The following C12orf42 variants were observed in gnomAD, a reference collection of about 807,000 sequenced individuals.
C12orf42 encodes uncharacterized protein C12orf42.
Under a neutral mutation model 21.6 loss-of-function variants are expected in C12orf42, and 25 were observed. That is an observed-to-expected ratio of 1.16 (90% CI 0.84 to 1.62). The LOEUF (loss-of-function observed/expected upper bound fraction) is 1.62, where lower values mean the gene tolerates loss of function less well. C12orf42 is among the 40% of genes most tolerant of loss of function. C12orf42 has a pLI of 0.00. For synonymous variants in C12orf42, 174 were observed against 175.0 expected (o/e 0.99, Z 0.05); for missense variants, 483 against 459.3 (o/e 1.05, Z -0.47).
the C12orf42 span, among the ~76,000 whole-genome samples, chr12:103,205,552 A>G: frequency 6.6e-6 from 1 of 152,172 alleles, no homozygotes; most frequent in East Asian, 1.9e-4. Flanking sequence ...GGGAGCTACA[A>G]TTCAAGATGA....
At chr12:103,358,389 C>T (rs2043776160) in intron 4 of C12orf42, among the ~76,000 whole-genome samples, 1 of 152,022 alleles carries the variant, frequency 6.6e-6, no homozygotes, top group Non-Finnish European at 1.5e-5. Flanking sequence ...TGGAGTTATT[C>T]AAGGGCAGCA....
the C12orf42 span, among the ~76,000 whole-genome samples, chr12:103,165,308 G>A: frequency 6.6e-6 from 1 of 152,318 alleles, no homozygotes; most frequent in East Asian, 1.9e-4. Context: ...CCCTATAAAA[G>A]ACAGGCCCTC....
At chr12:103,154,147 T>C in the C12orf42 span, among the ~76,000 whole-genome samples, 2 of 150,194 alleles carry the variant, frequency 1.3e-5, no homozygotes, top group African/African-American at 4.9e-5. Context: ...TGTTGACAAA[T>C]ATCAAGCTGG....
Position 103,302,478 on chromosome 12 carries a change from CTCGGG to C in C12orf42, c.708_712del (p.Pro237Ter). On this transcript the variant is annotated frameshift_variant, in exon 6 of 6. Coordinates refer to ENST00000548883, the MANE Select transcript of C12orf42 (RefSeq NM_198521.5). LOFTEE classifies it low-confidence loss of function (END_TRUNC). ...CTCCTCCGGCTCGAGCTCTGTGTTA[CTCGGG>C]CCGGTGCTCTGCAGAGCGCCGGGCG... 6.2e-7 allele frequency: 1 copy of C among 1,613,684 alleles called. No individual in the cohort carries two copies. Among genetic ancestry groups the C allele is most frequent in the South Asian group, 1.1e-5 (1 of 91,076 alleles).
chr12:103,194,209 A>G, the C12orf42 span, among the ~76,000 whole-genome samples: 1 of 152,120 alleles, frequency 6.6e-6, no homozygotes, highest in South Asian at 2.1e-4. Context: ...AAAAACCCAT[A>G]GGTAGCATAC....
At chr12:103,430,517 A>G (rs769957214) in intron 2 of C12orf42, among the ~76,000 whole-genome samples, 2 of 152,216 alleles carry the variant, frequency 1.3e-5, no homozygotes, top group Non-Finnish European at 2.9e-5. Context: ...TGTTGGTGGG[A>G]GTGTAAATTA....
At chr12:103,169,114 C>T in the C12orf42 span, among the ~76,000 whole-genome samples, 17 of 151,716 alleles carry the variant, frequency 1.1e-4, no homozygotes, top group African/African-American at 4.1e-4. Flanking sequence ...ACCTATGTAA[C>T]AAATCTGCAT....
intron 2 of C12orf42, among the ~76,000 whole-genome samples, chr12:103,437,359 G>A (rs145018278): frequency 0.051 from 7,749 of 151,916 alleles, 249 homozygotes; most frequent in South Asian, 0.15. Flanking sequence ...AAAAGCAAGC[G>A]CAAACACATT....
chr12:103,387,902 C>A (rs910063856), intron 3 of C12orf42, among the ~76,000 whole-genome samples: 2 of 152,222 alleles, frequency 1.3e-5, no homozygotes, highest in Non-Finnish European at 2.9e-5. Context: ...CCTTTCCTCT[C>A]TCTTTTTTTC....
chr12:103,515,974 C>T, the C12orf42 span, among the ~76,000 whole-genome samples: 2 of 152,142 alleles, frequency 1.3e-5, no homozygotes, highest in Non-Finnish European at 2.9e-5. Context: ...AGTAGATGCA[C>T]GTGCTGGATT....
the C12orf42 span, among the ~76,000 whole-genome samples, chr12:103,122,055 A>C: frequency 6.6e-6 from 1 of 152,248 alleles, no homozygotes; most frequent in Non-Finnish European, 1.5e-5. Context: ...GTGAAACAGC[A>C]GTGCAAAAAG....
intron 10 of C12orf42, among the ~76,000 whole-genome samples, chr12:103,256,293 C>T (rs1262680773): frequency 6.6e-6 from 1 of 150,498 alleles, no homozygotes; most frequent in African/African-American, 2.5e-5. Flanking sequence ...TGACAGTATA[C>T]TTTCCAATCT....
At chr12:103,556,290 C>T in the C12orf42 span, among the ~76,000 whole-genome samples, 23 of 152,256 alleles carry the variant, frequency 1.5e-4, no homozygotes, top group South Asian at 4.8e-3. Flanking sequence ...TATAAGCACT[C>T]AAAGATGATA....
the C12orf42 span, among the ~76,000 whole-genome samples, chr12:103,137,439 A>G: frequency 6.6e-6 from 1 of 152,100 alleles, no homozygotes; most frequent in Non-Finnish European, 1.5e-5. Flanking sequence ...TCATACAGCC[A>G]CTGTGGAAAC....
intron 2 of C12orf42, among the ~76,000 whole-genome samples, chr12:103,436,065 C>T (rs1950680066): frequency 6.6e-6 from 1 of 152,032 alleles, no homozygotes; most frequent in Admixed American, 6.5e-5. Flanking sequence ...GGCAGAAACC[C>T]TACAAGCCAG....
the C12orf42 span, among the ~76,000 whole-genome samples, chr12:103,152,353 A>T: frequency 1.3e-5 from 2 of 152,216 alleles, no homozygotes; most frequent in African/African-American, 4.8e-5. Context: ...TAGAGAGCTA[A>T]GGTAAACAAG....
Position 103,435,866 on chromosome 12 carries a change from G to A in C12orf42, c.79-34191C>T, listed in dbSNP as rs547997301. ...AGGAGAACTTCCCCAATCTAGCAAG[G>A]CAGGCCAACGTTCAGATTCAGGAAA... On this transcript the variant is annotated intron_variant, in intron 2 of 5. Coordinates refer to ENST00000548883, the MANE Select transcript of C12orf42 (RefSeq NM_198521.5). 3.4e-3 allele frequency among the ~76,000 whole-genome samples: 521 copies of A among 151,764 alleles called. 5 individuals are homozygous for A. The highest frequency in any genetic ancestry group is 0.012 in the African/African-American group (489 of 41,308).
At chr12:103,155,974 ATT>A in the C12orf42 span, 10 of 151,662 alleles carry the variant, frequency 6.6e-5, no homozygotes, top group East Asian at 1.9e-3. Context: ...ATATTTTCTA[ATT>A]ATGAACATTT....
At chr12:103,454,002 C>A (rs1050292167) in intron 2 of C12orf42, among the ~76,000 whole-genome samples, 2 of 152,078 alleles carry the variant, frequency 1.3e-5, no homozygotes, top group Non-Finnish European at 2.9e-5. Flanking sequence ...TCTCATCTAA[C>A]CACCCTACCA....
Sources: gnomAD v4.1 joint callset for allele counts (sites outside exome capture counted in the v4.1 genomes callset) on GRCh38, gnomAD v4.1.1 for gene constraint, MANE v1.5 for transcripts, NCBI Gene and HGNC (gene_info 2026-07-23, HGNC 2026-07-21) for gene names.